Variants in ZPBP observed in about 807,000 individuals in gnomAD.
The protein encoded by ZPBP is zona pellucida binding protein.
A neutral mutation model predicts 44.8 loss-of-function variants in ZPBP; 26 were observed. The observed-to-expected ratio is 0.58, with a 90% CI of 0.43 to 0.81. The LOEUF (loss-of-function observed/expected upper bound fraction) is 0.81, where lower values mean the gene tolerates loss of function less well. ZPBP is among the 30% of genes least tolerant of loss of function. ZPBP has a pLI of 0.00. For synonymous variants in ZPBP, 174 were observed against 153.2 expected (o/e 1.14, Z -1.00); for missense variants, 409 against 434.0 (o/e 0.94, Z 0.51).
the ZPBP span, among the ~76,000 whole-genome samples, chr7:49,841,650 C>T: frequency 2.0e-5 from 3 of 152,220 alleles, no homozygotes; most frequent in African/African-American, 7.2e-5. Context: ...GGGACACACT[C>T]AGGGAGGCCC....
At chr7:49,894,592 G>T (rs1343838362) in intron 2 of ZPBP, among the ~76,000 whole-genome samples, 1 of 152,206 alleles carries the variant, frequency 6.6e-6, no homozygotes, top group Non-Finnish European at 1.5e-5. Context: ...CATATACTGA[G>T]CTCTAGCTCT....
At chr7:50,062,204 G>T (rs1801277816) in intron 3 of ZPBP, among the ~76,000 whole-genome samples, 1 of 152,158 alleles carries the variant, frequency 6.6e-6, no homozygotes, top group African/African-American at 2.4e-5. Context: ...AACATTCCAT[G>T]CTCATGGGTA....
intron 2 of ZPBP, among the ~76,000 whole-genome samples, chr7:50,083,196 T>C (rs1271121104): frequency 6.6e-6 from 1 of 151,162 alleles, no homozygotes; most frequent in Non-Finnish European, 1.5e-5. Context: ...TCCAGAAGAG[T>C]TTCCCAATGC....
intron 1 of ZPBP, among the ~76,000 whole-genome samples, chr7:50,092,164 AC>A (rs1803027102): frequency 1.3e-5 from 2 of 152,136 alleles, no homozygotes; most frequent in South Asian, 2.1e-4. Context: ...TAAAATAAAA[AC>A]CCTTTCACAC....
chr7:49,980,592 C>T (rs1796808279), intron 7 of ZPBP, among the ~76,000 whole-genome samples: 1 of 151,770 alleles, frequency 6.6e-6, no homozygotes, highest in Non-Finnish European at 1.5e-5. Flanking sequence ...CCTGAGTGTG[C>T]AGAACTCAAA....
intron 2 of ZPBP, among the ~76,000 whole-genome samples, chr7:50,083,946 T>C (rs1466906764): frequency 6.6e-6 from 1 of 151,992 alleles, no homozygotes; most frequent in Non-Finnish European, 1.5e-5. Context: ...ATAAAAATAC[T>C]GAACTCAACT....
In ZPBP at chr7:49,897,966, GTTC is replaced by G. The variant is rs1276972309; in HGVS notation, n.509+3149_509+3151del. 9.8e-5 allele frequency among the ~76,000 whole-genome samples: 15 copies of G among 152,298 alleles called. No individual in the cohort carries two copies. The East Asian group carries it at 1.9e-3, about 20-fold the overall frequency. On this transcript the variant is annotated intron_variant and non_coding_transcript_variant, in intron 2 of 2. Coordinates refer to the ZPBP transcript ENST00000465922. ...CATTTGAAACACTCCAGAGCATTGT[GTTC>G]TTCTCAGTTCTCAGGAGAAACTGTT...
chr7:50,078,611 TA>T (rs1336199458), intron 3 of ZPBP, among the ~76,000 whole-genome samples: 1 of 151,254 alleles, frequency 6.6e-6, no homozygotes, highest in Non-Finnish European at 1.5e-5. Flanking sequence ...ATAAAAATAC[TA>T]AAAGAAAATC....
At chr7:49,978,507 T>C (rs983723864) in intron 7 of ZPBP, among the ~76,000 whole-genome samples, 2 of 152,048 alleles carry the variant, frequency 1.3e-5, no homozygotes, top group African/African-American at 4.8e-5. Context: ...AAAGAACAAA[T>C]CTGGTGCTTA....
At position 49,983,510 on chromosome 7, in the gene ZPBP, G is replaced by T. The variant is rs770383821; in HGVS notation, c.793C>A (p.Leu265Ile). 6.3e-7 allele frequency: 1 copy of T among 1,596,232 alleles called. No homozygotes were observed. The highest frequency in any genetic ancestry group is 2.2e-5 in the East Asian group (1 of 44,602). ...PYKRLFKAKN[L>I]IERFFNQQVE... Reference sequence around the variant, plus strand: ...TGTTGATTAAAAAATCTCTCTATGAGATTTTTAGCCTAAAACATAAATACA... The same window carrying T: ...TGTTGATTAAAAAATCTCTCTATGATATTTTTAGCCTAAAACATAAATACA... The change falls in exon 7 of 8, where the codon CTC becomes ATC. Residue 265 changes from leucine to isoleucine, a missense_variant. This residue lies in a region of ZPBP where 367 missense variants were observed against 363.1 expected (regional missense o/e 1.01). Coordinates refer to ENST00000046087, the MANE Select transcript of ZPBP (RefSeq NM_007009.3).
intron 2 of ZPBP, among the ~76,000 whole-genome samples, chr7:49,851,126 G>A (rs921354318): frequency 5.3e-5 from 8 of 152,126 alleles, no homozygotes; most frequent in Non-Finnish European, 7.4e-5. Context: ...GTGGCTGCCC[G>A]CCACCCTGGG....
chr7:50,009,645 G>A (rs1432803387), intron 6 of ZPBP, among the ~76,000 whole-genome samples: 1 of 151,974 alleles, frequency 6.6e-6, no homozygotes, highest in East Asian at 1.9e-4. Context: ...TCTCACGAGT[G>A]AGACTTACTC....
Position 50,075,190 on chromosome 7 carries a change from T to A in ZPBP, c.334+6584A>T, listed in dbSNP as rs148776179. 4.6e-3 allele frequency among the ~76,000 whole-genome samples: 693 copies of A among 151,768 alleles called. 2 individuals are homozygous for A. The highest frequency in any genetic ancestry group is 0.016 in the African/African-American group (673 of 41,442). On this transcript the variant is annotated intron_variant, in intron 3 of 7. Coordinates refer to ENST00000046087, the MANE Select transcript of ZPBP (RefSeq NM_007009.3). Reference sequence around the variant, plus strand: ...AATGACCAGTGGGTTGTTAAAGAAATTAAGGATGAAATTGAAAATTTTCAT... The same window carrying A: ...AATGACCAGTGGGTTGTTAAAGAAAATAAGGATGAAATTGAAAATTTTCAT...
At chr7:50,010,379 T>C (rs2128800461) in intron 6 of ZPBP, among the ~76,000 whole-genome samples, 1 of 152,212 alleles carries the variant, frequency 6.6e-6, no homozygotes, top group Middle Eastern at 3.4e-3. Flanking sequence ...AAAGATGGCA[T>C]TTGAACAAAT....
At chr7:50,089,747 T>G (rs765392415) in intron 1 of ZPBP, 38 bp from the exon 2 acceptor site, 1 of 1,455,004 alleles carries the variant, frequency 6.9e-7, no homozygotes, top group Non-Finnish European at 9.6e-7. Flanking sequence ...TCTCATTAGA[T>G]ATTCTAAAAT....
At chr7:50,017,396 T>C (rs1798863257) in intron 6 of ZPBP, among the ~76,000 whole-genome samples, 1 of 152,094 alleles carries the variant, frequency 6.6e-6, no homozygotes, top group African/African-American at 2.4e-5. Flanking sequence ...TGGGGGACTA[T>C]AAACACAGTG....
chr7:49,884,658 C>T (rs1583751936), intron 2 of ZPBP, among the ~76,000 whole-genome samples: 1 of 152,138 alleles, frequency 6.6e-6, no homozygotes. Flanking sequence ...GAGCTGGTTT[C>T]CTCAGGAGAG....
intron 3 of ZPBP, among the ~76,000 whole-genome samples, chr7:50,058,593 T>C (rs1189719648): frequency 6.6e-6 from 1 of 152,094 alleles, no homozygotes; most frequent in African/African-American, 2.4e-5. Context: ...GAATAAAGGC[T>C]ATCAGAATAT....
At position 49,995,974 on chromosome 7, in the gene ZPBP, T is replaced by C. The variant is rs189217577; in HGVS notation, c.784-12455A>G. ...GTTCCATGGCAAAGTAGGGTGACTA[T>C]AGTTAACAACAATGCATTTTATATT... On this transcript the variant is annotated intron_variant, in intron 6 of 7. Coordinates refer to ENST00000046087, the MANE Select transcript of ZPBP (RefSeq NM_007009.3). Among the ~76,000 whole-genome samples the C allele has an allele frequency of 1.4e-3, 215 of 152,260 alleles. 1 individual carries two copies. Among genetic ancestry groups the C allele is most frequent in the Admixed American group, 3.5e-3 (53 of 15,282 alleles).
Sources: allele counts gnomAD v4.1 joint callset (sites outside exome capture counted in the v4.1 genomes callset), GRCh38; gene constraint gnomAD v4.1.1; regional missense constraint gnomAD v4.1.1; transcripts MANE v1.5; gene names NCBI Gene and HGNC (gene_info 2026-07-23, HGNC 2026-07-21).